OSBPL8: variants seen among roughly 807,000 people sequenced by gnomAD.
OSBPL8 encodes oxysterol-binding protein-related protein 8.
Under a neutral mutation model 125.5 loss-of-function variants are expected in OSBPL8, and 59 were observed. That is an observed-to-expected ratio of 0.47 (90% confidence interval 0.38 to 0.58). The LOEUF (loss-of-function observed/expected upper bound fraction) is 0.58. OSBPL8 is among the 20% of genes least tolerant of loss of function. The probability of loss-of-function intolerance (pLI) is 0.00; values close to 1 mark genes in which losing one functional copy is unlikely to be tolerated. For synonymous variants in OSBPL8, 330 were observed against 338.9 expected (o/e 0.97, Z 0.29); for missense variants, 758 against 1,047.8 (o/e 0.72, Z 3.82).
intron 1 of OSBPL8, among the ~76,000 whole-genome samples, chr12:76,544,821 G>T (rs1950740802): frequency 6.6e-6 from 1 of 151,144 alleles, no homozygotes; most frequent in Admixed American, 6.6e-5. Flanking sequence ...GACTGAACAT[G>T]TTACTTAAAC....
intron 2 of OSBPL8, among the ~76,000 whole-genome samples, chr12:76,468,689 C>A (rs1427133130): frequency 6.6e-6 from 1 of 152,166 alleles, no homozygotes; most frequent in Non-Finnish European, 1.5e-5. Flanking sequence ...AATGTGAATT[C>A]TTTGATAATT....
intron 1 of OSBPL8, among the ~76,000 whole-genome samples, chr12:76,543,702 T>TA (rs1950706778): frequency 6.6e-6 from 1 of 152,172 alleles, no homozygotes; most frequent in Admixed American, 6.5e-5. Context: ...TGCCTGGAAT[T>TA]AAACTTAGCC....
At chr12:76,549,511 A>C (rs1363670016) in intron 1 of OSBPL8, among the ~76,000 whole-genome samples, 3 of 152,136 alleles carry the variant, frequency 2.0e-5, no homozygotes, top group Admixed American at 6.5e-5. Context: ...CCCAGGTTCA[A>C]GTGATTCTCC....
chr12:76,484,620 A>C (rs1877926747), intron 2 of OSBPL8, among the ~76,000 whole-genome samples: 1 of 152,206 alleles, frequency 6.6e-6, no homozygotes, highest in South Asian at 2.1e-4. Flanking sequence ...TGGAGAATTT[A>C]CTACCCAAGT....
At chr12:76,499,151 C>T (rs1197553254) in intron 1 of OSBPL8, among the ~76,000 whole-genome samples, 1 of 152,124 alleles carries the variant, frequency 6.6e-6, no homozygotes, top group East Asian at 1.9e-4. Flanking sequence ...GCCTCCCAAC[C>T]TACGTCTTTC....
chr12:76,412,039 T>C (rs1868256398), intron 4 of OSBPL8, among the ~76,000 whole-genome samples: 1 of 152,120 alleles, frequency 6.6e-6, no homozygotes, highest in African/African-American at 2.4e-5. Context: ...GAAATGAGTG[T>C]GTACATCCAT....
intron 4 of OSBPL8, among the ~76,000 whole-genome samples, chr12:76,423,586 A>G (rs1869776627): frequency 6.6e-6 from 1 of 152,168 alleles, no homozygotes; most frequent in Non-Finnish European, 1.5e-5. Context: ...AAACTAAGTG[A>G]CCAGTATTGA....
intron 4 of OSBPL8, among the ~76,000 whole-genome samples, chr12:76,442,744 A>C (rs1163196299): frequency 6.6e-6 from 1 of 152,208 alleles, no homozygotes; most frequent in Non-Finnish European, 1.5e-5. Flanking sequence ...GAAATGTCTT[A>C]ACAAGACAGG....
At chr12:76,553,880 G>C (rs765892880) in intron 1 of OSBPL8, among the ~76,000 whole-genome samples, 16 of 149,040 alleles carry the variant, frequency 1.1e-4, no homozygotes, top group Non-Finnish European at 1.8e-4. Flanking sequence ...AGGAGGCTCA[G>C]GCATGAGAAT....
intron 21 of OSBPL8, among the ~76,000 whole-genome samples, 200 bp downstream of exon 21, chr12:76,369,014 C>G (rs1592535163): frequency 6.6e-6 from 1 of 152,234 alleles, no homozygotes; most frequent in East Asian, 1.9e-4. Context: ...ACACCTCTGA[C>G]TGTTTTCCAG....
intron 2 of OSBPL8, among the ~76,000 whole-genome samples, chr12:76,483,311 C>T (rs985843609): frequency 6.7e-6 from 1 of 148,732 alleles, no homozygotes; most frequent in African/African-American, 2.5e-5. Flanking sequence ...GTCTGTAATC[C>T]TAGCACTTTG....
At chr12:76,455,241 TAA>T (rs554598965) in intron 3 of OSBPL8, among the ~76,000 whole-genome samples, 13 of 137,858 alleles carry the variant, frequency 9.4e-5, no homozygotes, top group Admixed American at 1.5e-4. Context: ...AGACTCTATC[TAA>T]AAAAAAAAAA....
intron 1 of OSBPL8, among the ~76,000 whole-genome samples, chr12:76,505,142 C>T (rs1354150924): frequency 6.6e-6 from 1 of 152,158 alleles, no homozygotes; most frequent in Non-Finnish European, 1.5e-5. Context: ...ATATTAAATT[C>T]TTTCTCTTTT....
intron 1 of OSBPL8, among the ~76,000 whole-genome samples, chr12:76,501,534 T>C (rs566761739): frequency 6.6e-6 from 1 of 152,246 alleles, no homozygotes; most frequent in Non-Finnish European, 1.5e-5. Context: ...CAGAGAGGTA[T>C]TTTAATGATC....
intron 9 of OSBPL8, 107 bp downstream of exon 9, chr12:76,394,538 T>G (rs1953712161): frequency 1.3e-6 from 1 of 769,686 alleles, no homozygotes. Flanking sequence ...ATGCTTCTGC[T>G]GCAAATGCCA....
At position 76,371,436 on chromosome 12, in the gene OSBPL8, C is replaced by G; in HGVS notation, c.2054+12G>C. On this transcript the variant is annotated intron_variant, in intron 19 of 23. Coordinates refer to ENST00000261183, the MANE Select transcript of OSBPL8 (RefSeq NM_020841.5). ...GATCCTCATGAAGTTAGCTGTAAAA[C>G]AGTATACTTACTTCTCTGATTCAAA... 6.3e-7 allele frequency: 1 copy of G among 1,592,874 alleles called. No individual in the cohort carries two copies. The highest frequency in any genetic ancestry group is 2.2e-5 in the East Asian group (1 of 44,502).
chr12:76,492,938 T>A (rs530265258), intron 1 of OSBPL8, among the ~76,000 whole-genome samples: 3 of 135,604 alleles, frequency 2.2e-5, no homozygotes, highest in African/African-American at 1.1e-4. Flanking sequence ...ATATAGATAT[T>A]TTTTTTTTGC....
chr12:76,483,725 A>G (rs1877817978), intron 2 of OSBPL8, among the ~76,000 whole-genome samples: 1 of 110,070 alleles, frequency 9.1e-6, no homozygotes, highest in African/African-American at 3.6e-5. Context: ...CCCAGGCTGG[A>G]GTGCAATGGC....
intron 4 of OSBPL8, among the ~76,000 whole-genome samples, chr12:76,444,594 T>C (rs1214575410): frequency 6.6e-6 from 1 of 152,168 alleles, no homozygotes; most frequent in Non-Finnish European, 1.5e-5. Context: ...AAGATGAAAC[T>C]GGAAGAGTAC....
Sources: gnomAD v4.1 joint callset for allele counts (sites outside exome capture counted in the v4.1 genomes callset) on GRCh38, gnomAD v4.1.1 for gene constraint, MANE v1.5 for transcripts, NCBI Gene and HGNC (gene_info 2026-07-23, HGNC 2026-07-21) for gene names.